ADAMTSL5: variants seen among roughly 807,000 people sequenced by gnomAD.
ADAMTSL5 encodes ADAMTS-like protein 5.
A neutral mutation model predicts 51.7 loss-of-function variants in ADAMTSL5; 53 were observed. The ratio of observed to expected loss-of-function variants is 1.03; its 90% CI spans 0.82 to 1.29. The LOEUF is 1.29. Ranked by LOEUF, ADAMTSL5 falls within the 50% of genes most tolerant of loss-of-function variation. The pLI is 0.00. For missense variants in ADAMTSL5, 770 were observed against 676.2 expected, an observed-to-expected ratio of 1.14 and a Z score of -1.54; for synonymous variants, 285 against 278.7, an observed-to-expected ratio of 1.02 and a Z score of -0.23.
chr19:1,505,945 A>T lies in ADAMTSL5; in HGVS notation c.*70T>A, dbSNP rs1170515054. 7.0e-7 allele frequency: 1 copy of T among 1,436,954 alleles called. No homozygotes were observed. Among genetic ancestry groups the T allele is most frequent in the African/African-American group, 1.4e-5 (1 of 69,904 alleles). 89.0% of individuals were successfully genotyped at this position (1,436,954 alleles called of 1,614,324 possible). On this transcript the variant is annotated 3_prime_UTR_variant, in exon 12 of 12. Coordinates refer to ENST00000330475, the MANE Select transcript of ADAMTSL5 (RefSeq NM_213604.3). ...TGCCTGGAAGCCAGGGTGAGAGGGG[A>T]AATACGTTGACGTTGAGGCTGGTCA...
In ADAMTSL5 at chr19:1,510,960, AC is replaced by A; in HGVS notation, c.-18del. On this transcript the variant is annotated 5_prime_UTR_variant, in exon 2 of 12. Coordinates refer to ENST00000330475, the MANE Select transcript of ADAMTSL5 (RefSeq NM_213604.3). ...CGAGTCCATAGAGCCACCGCCAGAG[AC>A]ACAGGGTTGTGTCCCGGCTCTGCCC... The A allele has an allele frequency of 7.1e-7, 1 of 1,409,774 alleles. No homozygotes were observed. Among genetic ancestry groups the A allele is most frequent in the South Asian group, 1.7e-5 (1 of 60,110 alleles). The allele number at this position is 1,409,774 out of a possible 1,614,324, so 87.3% of individuals were successfully genotyped here. A position where few individuals can be genotyped will look rare whatever the true frequency, so the allele number is the denominator to read the frequency against.
intron 1 of ADAMTSL5, among the ~76,000 whole-genome samples, chr19:1,512,376 G>T (rs1044907941): frequency 2.0e-5 from 3 of 152,178 alleles, no homozygotes. Flanking sequence ...GTCTGCACCA[G>T]AAACTTAAAA....
rs1300361651 is a variant in ADAMTSL5 at position 1,508,078 on chromosome 19, C to T, written c.521G>A (p.Gly174Asp). ...GCGGCCACAGCGGTCCTCGAGGGCA[C>T]CCGAGCCCAACAACCCATCACAGCC... ...SAGCDGLLGS[G>D]ALEDRCGRCG... Residue 174 changes from glycine to aspartate, a missense_variant, in exon 7 of 12, where the codon GGT becomes GAT. Gly to Asp is a moderately conservative substitution (Grantham distance 94, BLOSUM62 -1). Coordinates refer to ENST00000330475, the MANE Select transcript of ADAMTSL5 (RefSeq NM_213604.3). The T allele has an allele frequency of 9.3e-6, 15 of 1,610,416 alleles. No individual in the cohort carries two copies. The highest frequency in any genetic ancestry group is 1.2e-5 in the Non-Finnish European group (14 of 1,179,058).
chr19:1,510,120 A>T, intron 5 of ADAMTSL5, 30 bp downstream of exon 5: 1 of 1,566,184 alleles, frequency 6.4e-7, no homozygotes, highest in East Asian at 2.3e-5. Flanking sequence ...CTCTGGACCA[A>T]TTCTGACCAC....
At chr19:1,511,500 C>T (rs761989056) in intron 1 of ADAMTSL5, 5 of 1,165,822 alleles carry the variant, frequency 4.3e-6, no homozygotes, top group East Asian at 1.2e-4. Context: ...GTGTATTGTG[C>T]TATAATGCAG....
chr19:1,512,540 T>A (rs763250315), intron 1 of ADAMTSL5, among the ~76,000 whole-genome samples: 1 of 152,146 alleles, frequency 6.6e-6, no homozygotes, highest in East Asian at 1.9e-4. Context: ...ATTAGCCCGG[T>A]GTGGTGGTGC....
intron 9 of ADAMTSL5, 80 bp downstream of exon 9, chr19:1,507,162 C>T: frequency 6.7e-7 from 1 of 1,499,914 alleles, no homozygotes; most frequent in Non-Finnish European, 8.9e-7. Context: ...CCAGTCACCT[C>T]CACTCCTACC....
chr19:1,511,707 A>T, intron 1 of ADAMTSL5: 1 of 647,182 alleles, frequency 1.5e-6, no homozygotes, highest in Non-Finnish European at 2.5e-6. Flanking sequence ...AAGTGGACTC[A>T]GTCCATGATT....
chr19:1,510,813 T>C, intron 2 of ADAMTSL5, 32 bp downstream of exon 2: 1 of 1,511,738 alleles, frequency 6.6e-7, no homozygotes, highest in South Asian at 1.3e-5. Flanking sequence ...CCATTCCCAC[T>C]CGCCACCCCC....
In ADAMTSL5 at chr19:1,505,880, G is replaced by T; in HGVS notation, c.*135C>A. On this transcript the variant is annotated 3_prime_UTR_variant, in exon 12 of 12. Coordinates refer to ENST00000330475, the MANE Select transcript of ADAMTSL5 (RefSeq NM_213604.3). Reference sequence around the variant, plus strand: ...AGAGGTGTCTTAAGCGTGTGTGGGAGGGAGTCACATAGCTGCACAGGTGGG... The same window carrying T: ...AGAGGTGTCTTAAGCGTGTGTGGGATGGAGTCACATAGCTGCACAGGTGGG... 1 of 1,154,450 alleles carries T rather than the reference G, an allele frequency of 8.7e-7. No homozygotes were observed. Among genetic ancestry groups the T allele is most frequent in the Non-Finnish European group, 1.2e-6 (1 of 850,884 alleles). 71.5% of individuals were successfully genotyped at this position (1,154,450 alleles called of 1,614,324 possible). A position where few individuals can be genotyped will look rare whatever the true frequency, so the allele number is the denominator to read the frequency against.
rs151178039 is a variant in ADAMTSL5 at position 1,507,323 on chromosome 19, C to T, written c.771G>A (p.Thr257=). 1.5e-3 allele frequency: 2,428 copies of T among 1,595,298 alleles called. 5 individuals carry two copies. Among genetic ancestry groups the T allele is most frequent in the Middle Eastern group, 4.7e-3 (28 of 5,972 alleles). The change falls in exon 9 of 12, where the codon ACG becomes ACA. Residue 257 remains threonine (T), a synonymous_variant. Coordinates refer to ENST00000330475, the MANE Select transcript of ADAMTSL5 (RefSeq NM_213604.3). ...CTGTGTCTCGGGTGTAGACCACATG[C>T]GTGCCGGCCGCCTCGTAGGTCCCTG... ...SPPGTYEAAG[T]HVVYTRDTGP...
At position 1,506,262 on chromosome 19, in the gene ADAMTSL5, T is replaced by C; in HGVS notation, c.1169A>G (p.Glu390Gly). The C allele has an allele frequency of 6.4e-7, 1 of 1,565,598 alleles. No homozygotes were observed. The highest frequency in any genetic ancestry group is 1.8e-5 in the Admixed American group (1 of 55,802). Reference protein sequence around the residue: ...HHHQAQETRYEVRIQLVYKNR... With the variant: ...HHHQAQETRYGVRIQLVYKNR... ...CTTGTAGACGAGCTGGATGCGCACC[T>C]CATAGCGGGTCTCCTGGGCCTGGTG... is the stretch of plus-strand genomic sequence containing the variant. The change falls in exon 12 of 12, where the codon GAG becomes GGG. Residue 390 changes from glutamate (E) to glycine (G), a missense_variant. By Grantham distance (98) the Glu-to-Gly change is moderately conservative. Transcript: ENST00000330475. The surrounding 1 kb of genome is among the most constrained non-coding windows in gnomAD (Gnocchi z 5.6).
In ADAMTSL5 at chr19:1,507,351, G is replaced by A; in HGVS notation, c.743C>T (p.Pro248Leu). The change falls in exon 9 of 12, where the codon CCA becomes CTA. Residue 248 changes from proline to leucine, a missense_variant. Transcript: ENST00000330475. Reference sequence around the variant, plus strand: ...GCCGGCCGCCTCGTAGGTCCCTGGTGGGCTGACCACCCAGTGCCCATTAAG... The same window carrying A: ...GCCGGCCGCCTCGTAGGTCCCTGGTAGGCTGACCACCCAGTGCCCATTAAG... ...YVLNGHWVVS[P>L]PGTYEAAGTH... 6.3e-7 allele frequency: 1 copy of A among 1,590,688 alleles called. No homozygotes were observed. The highest frequency in any genetic ancestry group is 8.6e-7 in the Non-Finnish European group (1 of 1,167,318).
chr19:1,511,095 G>A lies in ADAMTSL5; in HGVS notation c.-152C>T. On this transcript the variant is annotated 5_prime_UTR_variant, in exon 2 of 12. Transcript: ENST00000330475. ...CCTTACAGGAAAGTTGAGGGGTCCT[G>A]TGGATCAGGTAAAGAAGACAGGAGA... 2.0e-6 allele frequency: 1 copy of A among 496,906 alleles called. No individual in the cohort carries two copies. The highest frequency in any genetic ancestry group is 4.2e-5 in the Admixed American group (1 of 24,080). The allele number at this position is 496,906 out of a possible 1,614,324, so 30.8% of individuals were successfully genotyped here.
At position 1,510,205 on chromosome 19, in the gene ADAMTSL5, A is replaced by G. The variant is rs1428562926; in HGVS notation, c.306T>C (p.Asn102=). The change falls in exon 5 of 12, where the codon AAT becomes AAC. Residue 102 remains asparagine (N), a synonymous_variant. Transcript: ENST00000330475. ...PFRDLQCALY[N]GRPVLGTQKT... ...TCTGGGTGCCCAGGACAGGGCGGCCATTGTACAGGGCACACTGTAGGTCTC... is the reference window on the plus strand; with the variant it reads ...TCTGGGTGCCCAGGACAGGGCGGCCGTTGTACAGGGCACACTGTAGGTCTC... 2 of 1,613,228 alleles carry G rather than the reference A, an allele frequency of 1.2e-6. No individual in the cohort carries two copies. Among genetic ancestry groups the G allele is most frequent in the Non-Finnish European group, 1.7e-6 (2 of 1,179,880 alleles).
chr19:1,510,905 G>T lies in ADAMTSL5; in HGVS notation c.39C>A (p.Phe13Leu). 6.7e-7 allele frequency: 1 copy of T among 1,500,580 alleles called. No individual in the cohort carries two copies. Among genetic ancestry groups the T allele is most frequent in the East Asian group, 2.5e-5 (1 of 39,228 alleles). The allele number at this position is 1,500,580 out of a possible 1,614,324, so 93.0% of individuals were successfully genotyped here. The change falls in exon 2 of 12, where the codon TTC becomes TTA. Residue 13 changes from phenylalanine to leucine, a missense_variant. Physicochemically the swap from Phe to Leu is conservative, Grantham distance 22. Transcript: ENST00000330475. ...SAPLFPRPHLFQNLLLFLWAL... is the reference protein window; with the variant it reads ...SAPLFPRPHLLQNLLLFLWAL... ...CCCACAGGAAGAGCAGGAGGTTCTG[G>T]AAGAGGTGGGGCCTGGGGAACAGAG...
At position 1,506,373 on chromosome 19, in the gene ADAMTSL5, C is replaced by T. The variant is rs774763012; in HGVS notation, c.1115-57G>A. Reference sequence around the variant, plus strand: ...GCTCAACTCTGCGCAAATCTCTACGCCCCCTCCCTTGCCAGAAGAGGGACT... The same window carrying T: ...GCTCAACTCTGCGCAAATCTCTACGTCCCCTCCCTTGCCAGAAGAGGGACT... On this transcript the variant is annotated intron_variant, in intron 11 of 11. Transcript: ENST00000330475. This position sits in a 1 kb window ranked among gnomAD's most constrained non-coding sequence, Gnocchi z 5.6. The T allele has an allele frequency of 1.4e-4, 213 of 1,527,474 alleles. No individual in the cohort carries two copies. The highest frequency in any genetic ancestry group is 1.7e-4 in the Non-Finnish European group (195 of 1,135,596). 94.6% of individuals were successfully genotyped at this position (1,527,474 alleles called of 1,614,324 possible). A position where few individuals can be genotyped will look rare whatever the true frequency, so the allele number is the denominator to read the frequency against.
rs1002986142 is a variant in ADAMTSL5, at chr19:1,510,649, G to T, written c.181C>A (p.Arg61Ser). ...CGRGVSVRSR[R>S]CLRLPGEEPC... ...CCGGGCCCCGCTCACCGGAGGCAGC[G>T]CCGGCTGCGCACAGAGACGCCACGC... Residue 61 changes from arginine to serine, a missense_variant, in exon 3 of 12, where the codon CGC (arginine) becomes AGC (serine). By Grantham distance (110) the Arg-to-Ser change is moderately radical. Coordinates refer to ENST00000330475, the MANE Select transcript of ADAMTSL5 (RefSeq NM_213604.3). 2.5e-5 allele frequency: 39 copies of T among 1,536,902 alleles called. No homozygotes were observed. Among genetic ancestry groups the T allele is most frequent in the Non-Finnish European group, 3.4e-5 (39 of 1,140,724 alleles).
In ADAMTSL5 at chr19:1,507,635, C is replaced by A; in HGVS notation, c.610G>T (p.Ala204Ser). The A allele has an allele frequency of 6.2e-7, 1 of 1,613,466 alleles. No homozygotes were observed. The change falls in exon 8 of 12, where the codon GCT becomes TCT. Residue 204 changes from alanine to serine, a missense_variant. Ala to Ser is a moderately conservative substitution (Grantham distance 99). Coordinates refer to ENST00000330475, the MANE Select transcript of ADAMTSL5 (RefSeq NM_213604.3). ...ATCAGGGTCACGTTCCAGTACCCAGCGAAGGCACCTGGGTGGGAGGGTAGG... is the reference window on the plus strand; with the variant it reads ...ATCAGGGTCACGTTCCAGTACCCAGAGAAGGCACCTGGGTGGGAGGGTAGG... The part of the protein sequence containing the change: ...QRVFRDAGAF[A>S]GYWNVTLIPE...
Sources: allele counts gnomAD v4.1 joint callset (sites outside exome capture counted in the v4.1 genomes callset), GRCh38; gene constraint gnomAD v4.1.1; non-coding constraint Gnocchi (gnomAD v3.1); transcripts MANE v1.5; gene names NCBI Gene and HGNC (gene_info 2026-07-23, HGNC 2026-07-21).